SF3B1: variants seen among roughly 807,000 people sequenced by gnomAD.
SF3B1 encodes pre-mRNA processing 10.
Under a neutral mutation model 153.8 loss-of-function variants are expected in SF3B1, and 12 were observed. The ratio of observed to expected loss-of-function variants is 0.08; its 90% CI spans 0.05 to 0.13. The LOEUF is 0.13. Among genes scored for constraint, SF3B1 ranks in the 10% least tolerant of loss-of-function variants. The pLI is 1.00. For synonymous variants in SF3B1, 498 were observed against 525.2 expected, an observed-to-expected ratio of 0.95 and a Z score of 0.71; for missense variants, 513 against 1,606.1, an observed-to-expected ratio of 0.32 and a Z score of 11.63.
At position 197,414,325 on chromosome 2, in the gene SF3B1, A is replaced by T. The variant is rs544272702; in HGVS notation, c.666+2416T>A. 1.2e-4 allele frequency among the ~76,000 whole-genome samples: 18 copies of T among 152,336 alleles called. 1 individual carries two copies. Among genetic ancestry groups the T allele is most frequent in the East Asian group, 3.9e-4 (2 of 5,188 alleles). ...TAAGTTTGGCAGCTATCTTATACAA[A>T]CGGTACATAAAGACAAGAATGAGAT... On this transcript the variant is annotated intron_variant, in intron 6 of 24. Transcript: ENST00000335508.
chr2:197,406,282 T>G (rs2084992090), intron 9 of SF3B1, among the ~76,000 whole-genome samples: 1 of 151,796 alleles, frequency 6.6e-6, no homozygotes, highest in African/African-American at 2.4e-5. Flanking sequence ...AAAATACAAC[T>G]TCTTGGAGAG....
chr2:197,395,749 AACTAT>A (rs537221452), intron 23 of SF3B1, among the ~76,000 whole-genome samples: 87 of 152,340 alleles, frequency 5.7e-4, no homozygotes, highest in African/African-American at 2.1e-3. Flanking sequence ...CATGTCCTCT[AACTAT>A]ATTTGACCAA....
At chr2:197,430,512 T>C (rs2085411435) in intron 1 of SF3B1, among the ~76,000 whole-genome samples, 1 of 152,220 alleles carries the variant, frequency 6.6e-6, no homozygotes, top group South Asian at 2.1e-4. Flanking sequence ...TGAAGTGCAG[T>C]GGCACGATCT....
At chr2:197,432,203 G>A (rs2085450793) in intron 1 of SF3B1, among the ~76,000 whole-genome samples, 1 of 152,188 alleles carries the variant, frequency 6.6e-6, no homozygotes, top group Non-Finnish European at 1.5e-5. Flanking sequence ...CATTTATCAA[G>A]CAAAGAATTA....
intron 6 of SF3B1, among the ~76,000 whole-genome samples, chr2:197,413,374 T>C (rs1302137068): frequency 6.6e-6 from 1 of 151,950 alleles, no homozygotes; most frequent in Non-Finnish European, 1.5e-5. Flanking sequence ...GCACTCCAGC[T>C]ACCCATGGGT....
At chr2:197,411,086 C>T (rs1030121298) in intron 6 of SF3B1, among the ~76,000 whole-genome samples, 15 of 152,108 alleles carry the variant, frequency 9.9e-5, no homozygotes, top group Non-Finnish European at 1.8e-4. Flanking sequence ...TACATACAGG[C>T]GCACACCACC....
At chr2:197,418,873 G>A in intron 4 of SF3B1, 1 of 1,573,472 alleles carries the variant, frequency 6.4e-7, no homozygotes, top group Non-Finnish European at 8.6e-7. Context: ...TGGGTTCCTG[G>A]GTTGCTAATC....
rs545200222 is a variant in SF3B1, at chr2:197,400,582, G to A, written c.2718+133C>T. 21 of 996,814 alleles carry A rather than the reference G, an allele frequency of 2.1e-5. No individual in the cohort carries two copies. The highest frequency in any genetic ancestry group is 7.7e-5 in the East Asian group (3 of 38,840). The allele number at this position is 996,814 out of a possible 1,614,324, so 61.7% of individuals were successfully genotyped here. ...TTAAAACTTGAGGTAGAATAATATCGTTTGGTAACCCCCTGAGCATTTTAA... is the reference window on the plus strand; with the variant it reads ...TTAAAACTTGAGGTAGAATAATATCATTTGGTAACCCCCTGAGCATTTTAA... On this transcript the variant is annotated intron_variant, in intron 18 of 24. Transcript: ENST00000335508. The surrounding 1 kb of genome is among the most constrained non-coding windows in gnomAD (Gnocchi z 5.0).
chr2:197,392,016 C>G lies in SF3B1; in HGVS notation c.*287G>C, dbSNP rs2084814540. The G allele has an allele frequency of 4.0e-6, 1 of 250,088 alleles. No individual in the cohort carries two copies. The allele number at this position is 250,088 out of a possible 1,614,324, so 15.5% of individuals were successfully genotyped here. On this transcript the variant is annotated 3_prime_UTR_variant, in exon 25 of 25. Coordinates refer to ENST00000335508, the MANE Select transcript of SF3B1 (RefSeq NM_012433.4). ...AATGTTTATTTCTCAATTAAACATT[C>G]CCTTTAAACACAAGGAATGAGTTCT...
intron 5 of SF3B1, 62 bp downstream of exon 5, chr2:197,418,447 C>G (rs2106007771): frequency 8.0e-7 from 1 of 1,244,038 alleles, no homozygotes; most frequent in African/African-American, 1.5e-5. Context: ...CTAACAGTCT[C>G]TCAATCACAA....
rs780262672 is a variant in SF3B1 at position 197,393,208 on chromosome 2, A to C, written c.3540-20T>G. The C allele has an allele frequency of 9.0e-6, 14 of 1,558,366 alleles. No homozygotes were observed. Among genetic ancestry groups the C allele is most frequent in the Non-Finnish European group, 1.1e-5 (12 of 1,129,606 alleles). The stretch of plus-strand genomic sequence containing the variant: ...AGGTCTCTACAACGGAAGGGAAAAA[A>C]GTCCTTTAAGATGCGGTCTTATAAG... On this transcript the variant is annotated intron_variant, in intron 23 of 24. Coordinates refer to ENST00000335508, the MANE Select transcript of SF3B1 (RefSeq NM_012433.4).
chr2:197,417,405 A>AACT (rs2085164170), intron 5 of SF3B1, among the ~76,000 whole-genome samples: 2 of 152,120 alleles, frequency 1.3e-5, no homozygotes, highest in African/African-American at 2.4e-5. Flanking sequence ...CATCCCATTT[A>AACT]ACTCATTCAA....
intron 1 of SF3B1, among the ~76,000 whole-genome samples, chr2:197,431,312 G>A (rs2085432610): frequency 6.6e-6 from 1 of 151,856 alleles, no homozygotes; most frequent in South Asian, 2.1e-4. Flanking sequence ...TAGAGAGGGG[G>A]TTTCACCACG....
At chr2:197,412,421 T>G (rs2085083460) in intron 6 of SF3B1, among the ~76,000 whole-genome samples, 1 of 151,660 alleles carries the variant, frequency 6.6e-6, no homozygotes, top group Admixed American at 6.6e-5. Context: ...AATGGCGCAG[T>G]CTCGGCTCCC....
In SF3B1 at chr2:197,406,110, A is replaced by G. The variant is rs2084988951; in HGVS notation, c.1240-638T>C. ...TTTTTTTTTTTTTAAAGCTGGTAAC[A>G]GACTTCAAAAAAAAAAAACAACTTC... On this transcript the variant is annotated intron_variant, in intron 9 of 24. Transcript: ENST00000335508. 2.0e-5 allele frequency among the ~76,000 whole-genome samples: 3 copies of G among 149,130 alleles called. No homozygotes were observed. The South Asian group carries it at 6.3e-4, about 31-fold the overall frequency.
At chr2:197,432,550 G>A (rs952790198) in intron 1 of SF3B1, among the ~76,000 whole-genome samples, 2 of 152,198 alleles carry the variant, frequency 1.3e-5, no homozygotes, top group African/African-American at 4.8e-5. Flanking sequence ...TGGTTAAAGA[G>A]GATGTGAGGC....
chr2:197,396,419 A>G, intron 22 of SF3B1, 91 bp from the exon 23 acceptor site: 1 of 1,057,416 alleles, frequency 9.5e-7, no homozygotes, highest in Non-Finnish European at 1.4e-6. Flanking sequence ...ACTTTTAAGT[A>G]TTAATAATTA....
intron 11 of SF3B1, among the ~76,000 whole-genome samples, chr2:197,404,525 C>T (rs1559266883): frequency 6.6e-6 from 1 of 151,812 alleles, no homozygotes; most frequent in Non-Finnish European, 1.5e-5. Flanking sequence ...TGCAGTGAGC[C>T]AAGACTACAC....
intron 1 of SF3B1, among the ~76,000 whole-genome samples, chr2:197,426,232 T>C (rs978390212): frequency 1.1e-4 from 17 of 151,934 alleles, no homozygotes; most frequent in African/African-American, 3.6e-4. Flanking sequence ...TTTCTGTTTG[T>C]AGTTTCATAT....
Sources: allele counts gnomAD v4.1 joint callset (sites outside exome capture counted in the v4.1 genomes callset), GRCh38; gene constraint gnomAD v4.1.1; non-coding constraint Gnocchi (gnomAD v3.1); transcripts MANE v1.5; gene names NCBI Gene and HGNC (gene_info 2026-07-23, HGNC 2026-07-21).